Variants in MTPAP observed in about 807,000 individuals in gnomAD.
MTPAP encodes poly(A) RNA polymerase, mitochondrial.
In MTPAP, 23 loss-of-function variants were observed where a neutral mutation model predicts 48.7. That is an observed-to-expected ratio of 0.47 (90% CI 0.34 to 0.67). The LOEUF (loss-of-function observed/expected upper bound fraction) is 0.67. Among genes scored for constraint, MTPAP ranks in the 30% least tolerant of loss-of-function variants. The probability of loss-of-function intolerance (pLI) is 0.01; values close to 1 mark genes in which losing one functional copy is unlikely to be tolerated. For missense variants in MTPAP, 614 were observed against 694.3 expected, an observed-to-expected ratio of 0.88 and a Z score of 1.30; for synonymous variants, 257 against 254.1, an observed-to-expected ratio of 1.01 and a Z score of -0.11.
chr10:30,327,429 A>T (rs1588715713), intron 4 of MTPAP, among the ~76,000 whole-genome samples: 2 of 151,266 alleles, frequency 1.3e-5, no homozygotes, highest in Non-Finnish European at 2.9e-5. Flanking sequence ...AACCCAGGAG[A>T]TGGAGGTTGC....
In MTPAP at chr10:30,334,233, C is replaced by A. The variant is rs1175758879; in HGVS notation, c.780+2570G>T. Among the ~76,000 whole-genome samples, 8 of 152,118 alleles carry A rather than the reference C, an allele frequency of 5.3e-5. 1 individual carries two copies. The highest frequency in any genetic ancestry group is 1.9e-4 in the African/African-American group (8 of 41,402). ...CGGTTTCAAGAAGGTAGAATTAGAA[C>A]TAGACCTTGAAAGCTGCATTAGGAA... On this transcript the variant is annotated intron_variant, in intron 4 of 8. Transcript: ENST00000263063.
intron 4 of MTPAP, among the ~76,000 whole-genome samples, chr10:30,333,816 T>C (rs1834698942): frequency 6.6e-6 from 1 of 152,044 alleles, no homozygotes; most frequent in African/African-American, 2.4e-5. Context: ...GCAGGAGAAT[T>C]GCTTGAGCCC....
At chr10:30,342,694 G>T (rs759176130) in intron 1 of MTPAP, among the ~76,000 whole-genome samples, 2 of 151,998 alleles carry the variant, frequency 1.3e-5, no homozygotes, top group Non-Finnish European at 2.9e-5. Context: ...TTGGAAATTC[G>T]GTGTTTTGAC....
intron 4 of MTPAP, among the ~76,000 whole-genome samples, chr10:30,331,077 A>C (rs1282126317): frequency 2.6e-5 from 4 of 152,248 alleles, no homozygotes; most frequent in African/African-American, 2.4e-5. Flanking sequence ...CAATGGACTC[A>C]GTACAGAAAT....
chr10:30,346,879 G>T (rs1423721556), intron 1 of MTPAP, among the ~76,000 whole-genome samples: 1 of 152,138 alleles, frequency 6.6e-6, no homozygotes, highest in African/African-American at 2.4e-5. Context: ...GCATGTGAAC[G>T]TGGAGCTGCT....
At position 30,340,455 on chromosome 10, in the gene MTPAP, A is replaced by G; in HGVS notation, c.331-5T>C. 1 of 1,603,956 alleles carries G rather than the reference A, an allele frequency of 6.2e-7. No individual in the cohort carries two copies. The highest frequency in any genetic ancestry group is 1.1e-5 in the South Asian group (1 of 90,876). On this transcript the variant is annotated splice_region_variant and splice_polypyrimidine_tract_variant and intron_variant, in intron 2 of 8. Coordinates refer to ENST00000263063, the MANE Select transcript of MTPAP (RefSeq NM_018109.4). ...TTCTACGACAGCATAGAGACCCTAT[A>G]CCAAAAACATAAGAAAAAACAGAAC... is the stretch of plus-strand genomic sequence containing the variant.
At chr10:30,328,488 A>G (rs980502835) in intron 4 of MTPAP, among the ~76,000 whole-genome samples, 2 of 152,230 alleles carry the variant, frequency 1.3e-5, no homozygotes, top group Admixed American at 6.5e-5. Flanking sequence ...AAAGATGTTC[A>G]CTCACTGCAG....
At position 30,340,396 on chromosome 10, in the gene MTPAP, T is replaced by C. The variant is rs529913701; in HGVS notation, c.385A>G (p.Asn129Asp). The change falls in exon 3 of 9, where the codon AAT (asparagine) becomes GAT (aspartate). Residue 129 changes from asparagine to aspartate, a missense_variant. Transcript: ENST00000263063. ...CQKESIGSLQ[N>D]GTHTPSTAME... ...GCCGTGCTTGGAGTATGAGTCCCAT[T>C]CTGCAGTGAACCTATGCTTTCCTTT... The C allele has an allele frequency of 6.8e-6, 11 of 1,614,160 alleles. No homozygotes were observed. In the African/African-American group the frequency reaches 9.3e-5, roughly 14 times the overall value.
At chr10:30,338,395 C>T (rs1044775991) in intron 3 of MTPAP, among the ~76,000 whole-genome samples, 2 of 152,032 alleles carry the variant, frequency 1.3e-5, no homozygotes, top group South Asian at 2.1e-4. Context: ...TAAAAGAGGC[C>T]GGGCTCGGTG....
chr10:30,327,179 C>T (rs773621838), intron 4 of MTPAP, among the ~76,000 whole-genome samples: 10 of 152,016 alleles, frequency 6.6e-5, no homozygotes, highest in Non-Finnish European at 1.2e-4. Flanking sequence ...AAAAAATAAA[C>T]CAGATCCTTT....
intron 6 of MTPAP, among the ~76,000 whole-genome samples, chr10:30,317,934 T>G (rs913636899): frequency 2.6e-5 from 4 of 152,194 alleles, no homozygotes; most frequent in African/African-American, 9.7e-5. Context: ...CTTGGCTCAC[T>G]GCAACTTCCG....
chr10:30,336,851 C>T lies in MTPAP; in HGVS notation c.732G>A (p.Leu244=). ...VNTFGKLGCD[L]DMFLDLDETR... is the part of the protein sequence containing the mutation. ...TTTCATCTAGATCCAAAAACATGTC[C>T]AAATCACATCCTAACTTCCCAAAAG... Residue 244 remains leucine, a synonymous_variant, in exon 4 of 9, where the codon TTG becomes TTA. Transcript: ENST00000263063. 6.2e-7 allele frequency: 1 copy of T among 1,612,512 alleles called. No individual in the cohort carries two copies.
Position 30,312,739 on chromosome 10 carries a change from G to C in MTPAP, c.*870C>G, listed in dbSNP as rs1395115464. On this transcript the variant is annotated 3_prime_UTR_variant, in exon 9 of 9. Transcript: ENST00000263063. ...TGGATGGTCCTGGAACCAATTTTCT[G>C]CATATACTGAGAGACAAATATGTCT... The C allele has an allele frequency of 6.6e-6, 1 of 152,124 alleles. No individual in the cohort carries two copies. Among genetic ancestry groups the C allele is most frequent in the Non-Finnish European group, 1.5e-5 (1 of 68,046 alleles). 9.4% of individuals were successfully genotyped at this position (152,124 alleles called of 1,614,324 possible).
intron 4 of MTPAP, among the ~76,000 whole-genome samples, chr10:30,328,998 C>T (rs536982388): frequency 3.3e-5 from 5 of 151,944 alleles, no homozygotes; most frequent in African/African-American, 1.2e-4. Context: ...AATCCCAACA[C>T]TTTGGGAGGC....
chr10:30,331,675 T>C (rs1225232851), intron 4 of MTPAP, among the ~76,000 whole-genome samples: 4 of 152,212 alleles, frequency 2.6e-5, no homozygotes, highest in South Asian at 2.1e-4. Flanking sequence ...CAAGCGATTC[T>C]CCTGCCTCAG....
At chr10:30,315,502 C>A (rs1412602289) in intron 8 of MTPAP, among the ~76,000 whole-genome samples, 117 of 127,182 alleles carry the variant, frequency 9.2e-4, no homozygotes, top group Non-Finnish European at 1.2e-3. Flanking sequence ...TTCATTTGCT[C>A]AAAAAAAAAA....
intron 3 of MTPAP, among the ~76,000 whole-genome samples, chr10:30,338,721 C>G (rs931072283): frequency 5.3e-5 from 8 of 151,890 alleles, no homozygotes; most frequent in African/African-American, 1.5e-4. Flanking sequence ...AGATTAGAAG[C>G]AAAAATTTTC....
chr10:30,311,287 GCA>G lies in MTPAP; in HGVS notation c.*2320_*2321del, dbSNP rs1165384375. ...TTGGTGTCAAATGTGCAATCCAATA[GCA>G]CAGACACAAGGACACAGAATTCATT... On this transcript the variant is annotated 3_prime_UTR_variant, in exon 9 of 9. Coordinates refer to ENST00000263063, the MANE Select transcript of MTPAP (RefSeq NM_018109.4). 6.6e-6 allele frequency: 1 copy of G among 152,118 alleles called. No homozygotes were observed. Among genetic ancestry groups the G allele is most frequent in the Non-Finnish European group, 1.5e-5 (1 of 68,030 alleles). The allele number at this position is 152,118 out of a possible 1,614,324, so 9.4% of individuals were successfully genotyped here.
rs913479253 is a variant in MTPAP at position 30,311,790 on chromosome 10, A to C, written c.*1819T>G. 6.6e-6 allele frequency: 1 copy of C among 152,600 alleles called. No homozygotes were observed. The highest frequency in any genetic ancestry group is 1.5e-5 in the Non-Finnish European group (1 of 68,382). 9.5% of individuals were successfully genotyped at this position (152,600 alleles called of 1,614,324 possible). On this transcript the variant is annotated 3_prime_UTR_variant, in exon 9 of 9. Coordinates refer to ENST00000263063, the MANE Select transcript of MTPAP (RefSeq NM_018109.4). ...AGCAGTCCTTGTGCCTCGGCCTCCC[A>C]AGTACCTGGGACTACAGGCATGTGC...
Sources: allele counts gnomAD v4.1 joint callset (sites outside exome capture counted in the v4.1 genomes callset), GRCh38; gene constraint gnomAD v4.1.1; transcripts MANE v1.5; gene names NCBI Gene and HGNC (gene_info 2026-07-23, HGNC 2026-07-21).